Variants in NOL4 observed in about 807,000 individuals in gnomAD.
NOL4 encodes cancer/testis antigen 125.
A neutral mutation model predicts 75.9 loss-of-function variants in NOL4; 17 were observed. The observed-to-expected ratio is 0.22, with a 90% CI of 0.15 to 0.34. The LOEUF is 0.34. NOL4 is among the 10% of genes least tolerant of loss of function. NOL4 has a pLI of 1.00. For synonymous variants in NOL4, 292 were observed against 289.9 expected (o/e 1.01, Z -0.07); for missense variants, 614 against 793.5 (o/e 0.77, Z 2.72).
At chr18:33,910,449 A>G (rs898156143) in intron 9 of NOL4, among the ~76,000 whole-genome samples, 1 of 151,772 alleles carries the variant, frequency 6.6e-6, no homozygotes, top group Non-Finnish European at 1.5e-5. Flanking sequence ...CCATGGCAGA[A>G]CCTGGATCCT....
intron 2 of NOL4, among the ~76,000 whole-genome samples, chr18:34,119,607 T>C (rs138916331): frequency 6.6e-6 from 1 of 151,924 alleles, no homozygotes; most frequent in African/African-American, 2.4e-5. Flanking sequence ...CAGTCAGGAG[T>C]ATCTGGGTTA....
chr18:33,897,275 A>C (rs766077532), intron 9 of NOL4, among the ~76,000 whole-genome samples: 1 of 152,180 alleles, frequency 6.6e-6, no homozygotes, highest in Non-Finnish European at 1.5e-5. Flanking sequence ...GTATATACCA[A>C]GAGGAATAGC....
chr18:33,864,674 T>A (rs116409893), intron 10 of NOL4, among the ~76,000 whole-genome samples: 6 of 152,170 alleles, frequency 3.9e-5, no homozygotes, highest in African/African-American at 1.4e-4. Context: ...AGGTTATCTT[T>A]ATAGCAGTTT....
chr18:34,120,190 A>G (rs2080074872), intron 2 of NOL4, among the ~76,000 whole-genome samples: 1 of 152,202 alleles, frequency 6.6e-6, no homozygotes, highest in Admixed American at 6.5e-5. Flanking sequence ...AGGATATACC[A>G]AAAGCAGAAG....
intron 10 of NOL4, among the ~76,000 whole-genome samples, chr18:33,870,334 TG>T (rs1287383738): frequency 1.3e-5 from 2 of 151,986 alleles, no homozygotes; most frequent in Non-Finnish European, 2.9e-5. Flanking sequence ...TGCCAGAGGC[TG>T]GGGTGAATAG....
chr18:34,006,814 G>C (rs2074053123), intron 6 of NOL4, among the ~76,000 whole-genome samples: 1 of 151,978 alleles, frequency 6.6e-6, no homozygotes, highest in African/African-American at 2.4e-5. Context: ...CTCAGTTACA[G>C]TGCCAGCTAG....
Position 33,883,246 on chromosome 18 carries a change from C to G in NOL4, c.1721G>C (p.Ser574Thr), listed in dbSNP as rs1164917127. 6.3e-7 allele frequency: 1 copy of G among 1,586,894 alleles called. No homozygotes were observed. Among genetic ancestry groups the G allele is most frequent in the Non-Finnish European group, 8.5e-7 (1 of 1,169,654 alleles). ...CACAATCTATGATAAATACTCACCA[C>G]TGCTGGAAGCATCATTCAGATTTAG... ...GLLNLNDASS[S>T]GPTDLSMKRQ... The change falls in exon 10 of 11, where the codon AGT becomes ACT. Residue 574 changes from serine (S) to threonine (T), a missense_variant and splice_region_variant. Coordinates refer to ENST00000261592, the MANE Select transcript of NOL4 (RefSeq NM_003787.5).
chr18:33,966,197 GT>G (rs1292770728), intron 6 of NOL4, among the ~76,000 whole-genome samples: 1 of 152,088 alleles, frequency 6.6e-6, no homozygotes, highest in Non-Finnish European at 1.5e-5. Context: ...AGAGGGGGCT[GT>G]TTTGAAACAT....
intron 5 of NOL4, among the ~76,000 whole-genome samples, chr18:34,024,194 A>AAAATATATATATATATATATATAT: frequency 2.1e-4 from 15 of 70,668 alleles, no homozygotes; most frequent in African/African-American, 4.2e-4. Flanking sequence ...AAAAAAAAAA[A>AAAATATATATATATATATATATAT]ATATATATAT....
At position 34,062,165 on chromosome 18, in the gene NOL4, C is replaced by T. The variant is rs114408838; in HGVS notation, c.772+31300G>A. ...CCGTATTTGGTATTCTGTTCACCGA[C>T]GTAACAAACCTGCACATTCTGCAAG... On this transcript the variant is annotated intron_variant, in intron 5 of 10. Coordinates refer to ENST00000261592, the MANE Select transcript of NOL4 (RefSeq NM_003787.5). 8.8e-3 allele frequency among the ~76,000 whole-genome samples: 1,337 copies of T among 151,858 alleles called. 9 individuals carry two copies. The highest frequency in any genetic ancestry group is 0.012 in the Non-Finnish European group (836 of 67,910).
chr18:34,141,335 T>C (rs549088478), intron 1 of NOL4, among the ~76,000 whole-genome samples: 1 of 152,186 alleles, frequency 6.6e-6, no homozygotes, highest in South Asian at 2.1e-4. Context: ...AAAAACTACT[T>C]TAAAGTTCAT....
At chr18:34,133,076 C>A (rs2080730684) in intron 1 of NOL4, among the ~76,000 whole-genome samples, 1 of 151,820 alleles carries the variant, frequency 6.6e-6, no homozygotes, top group Non-Finnish European at 1.5e-5. Context: ...AGTTCGAGAC[C>A]AGCCTGACCA....
chr18:33,922,642 G>A (rs2067108099), intron 9 of NOL4, among the ~76,000 whole-genome samples: 1 of 152,050 alleles, frequency 6.6e-6, no homozygotes, highest in Admixed American at 6.6e-5. Context: ...ATATACAAGA[G>A]CATCTCTTCA....
intron 8 of NOL4, among the ~76,000 whole-genome samples, chr18:33,953,889 T>C (rs1247554599): frequency 6.6e-6 from 1 of 152,192 alleles, no homozygotes; most frequent in Non-Finnish European, 1.5e-5. Context: ...GGAACTGTAG[T>C]AACTGCCCAA....
chr18:34,070,761 T>G (rs1210247619), intron 5 of NOL4, among the ~76,000 whole-genome samples: 1 of 152,092 alleles, frequency 6.6e-6, no homozygotes, highest in Non-Finnish European at 1.5e-5. Flanking sequence ...AAACATAGCT[T>G]AAAAGAAAGT....
chr18:34,187,427 G>A (rs1223522867), intron 1 of NOL4, among the ~76,000 whole-genome samples: 1 of 141,218 alleles, frequency 7.1e-6, no homozygotes, highest in East Asian at 2.1e-4. Context: ...GCCCAGGCTG[G>A]AGTGCAGTGG....
intron 4 of NOL4, 120 bp downstream of exon 4, chr18:34,103,927 T>G (rs2079151623): frequency 3.0e-6 from 2 of 659,956 alleles, no homozygotes; most frequent in South Asian, 3.4e-5. Flanking sequence ...TGTGGTGAGA[T>G]TCATTCATTA....
At chr18:34,004,169 C>T (rs1474839992) in intron 6 of NOL4, among the ~76,000 whole-genome samples, 2 of 151,886 alleles carry the variant, frequency 1.3e-5, no homozygotes, top group Admixed American at 6.6e-5. Flanking sequence ...ACCAGGAAAC[C>T]ACTCCTCTCC....
intron 1 of NOL4, chr18:34,221,027 A>T (rs1304130410): frequency 6.6e-6 from 1 of 152,128 alleles, no homozygotes; most frequent in Non-Finnish European, 1.5e-5. Flanking sequence ...AGTATCTCTA[A>T]AATTGTTCAG....
Sources: allele counts gnomAD v4.1 joint callset (sites outside exome capture counted in the v4.1 genomes callset), GRCh38; gene constraint gnomAD v4.1.1; transcripts MANE v1.5; gene names NCBI Gene and HGNC (gene_info 2026-07-23, HGNC 2026-07-21).